The following MN1 variants were observed in gnomAD, a reference collection of about 807,000 sequenced individuals.
MN1 encodes transcriptional activator MN1.
Under a neutral mutation model 86.9 loss-of-function variants are expected in MN1, and 19 were observed. The ratio of observed to expected loss-of-function variants is 0.22; its 90% CI spans 0.15 to 0.32. The LOEUF is 0.32. Among genes scored for constraint, MN1 ranks in the 10% least tolerant of loss-of-function variants. MN1 has a pLI of 1.00. For synonymous variants in MN1, 928 were observed against 849.6 expected (o/e 1.09, Z -1.60); for missense variants, 1,841 against 1,862.0 (o/e 0.99, Z 0.21).
At position 27,800,764 on chromosome 22, in the gene MN1, A is replaced by C; in HGVS notation, c.-221T>G. 1.6e-6 allele frequency: 1 copy of C among 609,168 alleles called. No homozygotes were observed. The allele number at this position is 609,168 out of a possible 1,614,324, so 37.7% of individuals were successfully genotyped here. On this transcript the variant is annotated 5_prime_UTR_variant, in exon 1 of 2. It removes an upstream start codon present in the reference 5' UTR. Coordinates refer to ENST00000302326, the MANE Select transcript of MN1 (RefSeq NM_002430.3). ...ATTCTGCCCGGGGAGGGCCTCTCAC[A>C]TCTTGCGAGGCCGCGGGGCCTCTAG...
intron 1 of MN1, among the ~76,000 whole-genome samples, chr22:27,757,674 G>A (rs2076012299): frequency 6.6e-6 from 1 of 152,090 alleles, no homozygotes; most frequent in African/African-American, 2.4e-5. Flanking sequence ...CCACTCAACT[G>A]GGGGGCTGGG....
chr22:27,797,349 G>T lies in MN1; in HGVS notation c.3195C>A (p.Asn1065Lys). 1 of 1,608,294 alleles carries T rather than the reference G, an allele frequency of 6.2e-7. No homozygotes were observed. Among genetic ancestry groups the T allele is most frequent in the Non-Finnish European group, 8.5e-7 (1 of 1,179,914 alleles). Residue 1065 changes from asparagine (N) to lysine (K), a missense_variant, in exon 1 of 2, where the codon AAC becomes AAA. Asn to Lys is a moderately conservative substitution (Grantham distance 94). Transcript: ENST00000302326. The part of the protein sequence containing the change: ...NEDEVSSSSD[N>K]PQALVKASRS... ...TGCTCGCTTTAACTAGTGCCTGGGG[G>T]TTGTCAGAGCTGGACGACACCTCGT...
At chr22:27,774,690 T>C (rs954294462) in intron 1 of MN1, among the ~76,000 whole-genome samples, 17 of 152,216 alleles carry the variant, frequency 1.1e-4, no homozygotes, top group African/African-American at 4.1e-4. Context: ...TTTCTGCGCA[T>C]GAACGGGTTT....
At position 27,751,010 on chromosome 22, in the gene MN1, C is replaced by T; in HGVS notation, c.3868G>A (p.Gly1290Ser). 1 of 1,613,068 alleles carries T rather than the reference C, an allele frequency of 6.2e-7. No homozygotes were observed. The highest frequency in any genetic ancestry group is 8.5e-7 in the Non-Finnish European group (1 of 1,179,432). Reference sequence around the variant, plus strand: ...ACGGAGGCTCGAGCCTTGGCGTCACCCACGTCGTCTGTGCAGTGGACAGAC... The same window carrying T: ...ACGGAGGCTCGAGCCTTGGCGTCACTCACGTCGTCTGTGCAGTGGACAGAC... ...CLSVHCTDDV[G>S]DAKARASVPT... Residue 1290 changes from glycine to serine, a missense_variant, in exon 2 of 2, where the codon GGT becomes AGT. Physicochemically the swap from Gly to Ser is moderately conservative, Grantham distance 56 (BLOSUM62 0). Transcript: ENST00000302326.
At position 27,799,294 on chromosome 22, in the gene MN1, C is replaced by A; in HGVS notation, c.1250G>T (p.Arg417Leu). 6.3e-7 allele frequency: 1 copy of A among 1,588,234 alleles called. No individual in the cohort carries two copies. The highest frequency in any genetic ancestry group is 1.7e-5 in the Admixed American group (1 of 58,068). Residue 417 changes from arginine to leucine, a missense_variant, in exon 1 of 2, where the codon CGG becomes CTG. Coordinates refer to ENST00000302326, the MANE Select transcript of MN1 (RefSeq NM_002430.3). ...AGGCTCGGAATAAGGGTGCATGCTC[C>A]GGTTCTCCAGCCGGTGGATGGGATA... ...FEYPIHRLEN[R>L]SMHPYSEPVF...
chr22:27,757,563 C>T (rs539939535), intron 1 of MN1, among the ~76,000 whole-genome samples: 208 of 152,308 alleles, frequency 1.4e-3, no homozygotes, highest in African/African-American at 4.9e-3. Flanking sequence ...GGATGACTCT[C>T]GCCCAACTCA....
At chr22:27,775,102 C>T (rs1221473750) in intron 1 of MN1, among the ~76,000 whole-genome samples, 2 of 152,312 alleles carry the variant, frequency 1.3e-5, no homozygotes, top group East Asian at 1.9e-4. Context: ...TGCCATATGT[C>T]GGCTGTGCTC....
At chr22:27,765,038 TA>T (rs1401437904) in intron 1 of MN1, among the ~76,000 whole-genome samples, 1 of 152,200 alleles carries the variant, frequency 6.6e-6, no homozygotes, top group African/African-American at 2.4e-5. Flanking sequence ...GTTAAACAAA[TA>T]TCTGGGCACC....
intron 1 of MN1, among the ~76,000 whole-genome samples, chr22:27,759,453 C>G (rs1436961352): frequency 3.9e-5 from 6 of 152,180 alleles, no homozygotes; most frequent in African/African-American, 1.4e-4. Flanking sequence ...AAACCTGAAA[C>G]TTCACGGTTG....
At chr22:27,769,685 C>T (rs556449749) in intron 1 of MN1, among the ~76,000 whole-genome samples, 126 of 150,942 alleles carry the variant, frequency 8.3e-4, no homozygotes, top group Middle Eastern at 3.4e-3. Context: ...TCCCGAGTAG[C>T]TGGGACTATA....
At chr22:27,768,782 G>A (rs1932890014) in intron 1 of MN1, among the ~76,000 whole-genome samples, 1 of 151,988 alleles carries the variant, frequency 6.6e-6, no homozygotes, top group Admixed American at 6.6e-5. Context: ...CTCCAGCCTG[G>A]GCCACACAGT....
chr22:27,759,768 C>A (rs1457705255), intron 1 of MN1, among the ~76,000 whole-genome samples: 1 of 152,240 alleles, frequency 6.6e-6, no homozygotes, highest in African/African-American at 2.4e-5. Context: ...GAATGGCTCA[C>A]ATTTTCATCT....
At chr22:27,759,629 G>A (rs1413364665) in intron 1 of MN1, among the ~76,000 whole-genome samples, 1 of 152,182 alleles carries the variant, frequency 6.6e-6, no homozygotes, top group African/African-American at 2.4e-5. Context: ...TTCCCTATCT[G>A]TAGAAGGGGA....
intron 1 of MN1, among the ~76,000 whole-genome samples, chr22:27,779,500 G>T (rs1401751897): frequency 1.3e-5 from 2 of 152,190 alleles, no homozygotes; most frequent in African/African-American, 2.4e-5. Context: ...TTTATCTCCA[G>T]CATCTGTTGG....
chr22:27,793,411 C>T (rs542529000), intron 1 of MN1, among the ~76,000 whole-genome samples: 1 of 149,394 alleles, frequency 6.7e-6, no homozygotes, highest in South Asian at 2.1e-4. Flanking sequence ...GATGATTTTG[C>T]AAACTCTTTT....
In MN1 at chr22:27,799,885, C is replaced by G; in HGVS notation, c.659G>C (p.Arg220Pro). The G allele has an allele frequency of 6.2e-7, 1 of 1,603,088 alleles. No individual in the cohort carries two copies. Among genetic ancestry groups the G allele is most frequent in the Non-Finnish European group, 8.5e-7 (1 of 1,176,290 alleles). Reference protein sequence around the residue: ...SGSDSHSLEPRRVTNQGAVDS... With the variant: ...SGSDSHSLEPPRVTNQGAVDS... ...GACGGCTCCTTGGTTCGTCACCCTC[C>G]GTGGCTCCAGACTGTGGGAATCGGA... Residue 220 changes from arginine (R) to proline (P), a missense_variant, in exon 1 of 2, where the codon CGG becomes CCG. Arg to Pro is a moderately radical substitution (Grantham distance 103, BLOSUM62 -2). Transcript: ENST00000302326.
rs1932735140 is a variant in MN1, at chr22:27,749,234, G to A, written c.*1681C>T. 1 of 230,910 alleles carries A rather than the reference G, an allele frequency of 4.3e-6. No homozygotes were observed. The highest frequency in any genetic ancestry group is 6.1e-5 in the East Asian group (1 of 16,264). 14.3% of individuals were successfully genotyped at this position (230,910 alleles called of 1,614,324 possible). The stretch of plus-strand genomic sequence containing the variant: ...AAAGCTCCTCTCCCTTCGCTGAAAA[G>A]TTCTTTGAAATAAACAACGTGGGTG... On this transcript the variant is annotated 3_prime_UTR_variant, in exon 2 of 2. Transcript: ENST00000302326.
chr22:27,757,634 G>A (rs1471344028), intron 1 of MN1, among the ~76,000 whole-genome samples: 1 of 152,174 alleles, frequency 6.6e-6, no homozygotes, highest in Admixed American at 6.5e-5. Context: ...TGGACCTGGT[G>A]CGGGGAGACA....
rs894706519 is a variant in MN1 at position 27,797,837 on chromosome 22, C to A, written c.2707G>T (p.Ala903Ser). The A allele has an allele frequency of 5.1e-6, 8 of 1,578,686 alleles. No homozygotes were observed. Among genetic ancestry groups the A allele is most frequent in the African/African-American group, 1.4e-5 (1 of 73,964 alleles). Residue 903 changes from alanine to serine, a missense_variant, in exon 1 of 2, where the codon GCC (alanine) becomes TCC (serine). Ala to Ser is a moderately conservative substitution (Grantham distance 99). Transcript: ENST00000302326. ...PSGTSSSGSK[A>S]SGPPNPPAQG... ...GCTGGAGGGTTGGGCGGCCCCGAGGCTTTGGAGCCGCTGCTACTGGTCCCG... is the reference window on the plus strand; with the variant it reads ...GCTGGAGGGTTGGGCGGCCCCGAGGATTTGGAGCCGCTGCTACTGGTCCCG...
Sources: allele counts gnomAD v4.1 joint callset (sites outside exome capture counted in the v4.1 genomes callset), GRCh38; gene constraint gnomAD v4.1.1; transcripts MANE v1.5; gene names NCBI Gene and HGNC (gene_info 2026-07-23, HGNC 2026-07-21).